Variants in SMIM15 observed in about 807,000 individuals in gnomAD.
SMIM15 encodes UPF0542 protein C5orf43.
SMIM15 carries 5 observed loss-of-function variants against 6.8 expected under a neutral mutation model. That is an observed-to-expected ratio of 0.74 (90% CI 0.39 to 1.56). SMIM15 has a LOEUF of 1.56. Among genes scored for constraint, SMIM15 ranks in the 40% most tolerant of loss-of-function variants. SMIM15 has a pLI of 0.03. For missense variants in SMIM15, 81 were observed against 84.8 expected (o/e 0.96, Z 0.18); for synonymous variants, 30 against 30.8 (o/e 0.97, Z 0.09).
At position 61,162,302 on chromosome 5, in the gene SMIM15, G is replaced by A. The variant is rs1226457205; in HGVS notation, c.-254C>T. ...CGCGGGCCCCTTGTCGCGCAGAGCG[G>A]AGGGTCCTGGGAGATCCTGGGTTGG... On this transcript the variant is annotated 5_prime_UTR_variant, in exon 1 of 3. Transcript: ENST00000339020. The surrounding 1 kb of genome is among the most constrained non-coding windows in gnomAD (Gnocchi z 4.4). 1 of 152,532 alleles carries A rather than the reference G, an allele frequency of 6.6e-6. No individual in the cohort carries two copies. The highest frequency in any genetic ancestry group is 1.5e-5 in the Non-Finnish European group (1 of 68,298). The allele number at this position is 152,532 out of a possible 1,614,324, so 9.4% of individuals were successfully genotyped here. A position where few individuals can be genotyped will look rare whatever the true frequency, so the allele number is the denominator to read the frequency against.
chr5:61,159,918 T>C lies in SMIM15; in HGVS notation c.*29A>G. 6.2e-7 allele frequency: 1 copy of C among 1,608,438 alleles called. No individual in the cohort carries two copies. The highest frequency in any genetic ancestry group is 8.5e-7 in the Non-Finnish European group (1 of 1,178,028). On this transcript the variant is annotated 3_prime_UTR_variant, in exon 3 of 3. Transcript: ENST00000339020. ...AGCTGTGTAATTTTCCAAATGATTT[T>C]CCTCTGGTTGCAAAGCCTGTTCAGT...
intron 2 of SMIM15, among the ~76,000 whole-genome samples, chr5:61,160,647 T>C (rs771013340): frequency 6.6e-6 from 1 of 152,170 alleles, no homozygotes; most frequent in African/African-American, 2.4e-5. Context: ...TCAGCAAATT[T>C]GGTGTTTGAA....
At chr5:61,160,223 CAG>C in intron 2 of SMIM15, 24 bp from the exon 3 acceptor site, 5 of 1,542,416 alleles carry the variant, frequency 3.2e-6, no homozygotes, top group African/African-American at 1.4e-5. Context: ...GTGGAGAACA[CAG>C]AGGAAAAAAA....
intron 1 of SMIM15, among the ~76,000 whole-genome samples, chr5:61,161,435 G>T (rs933347033): frequency 6.6e-6 from 1 of 151,912 alleles, no homozygotes; most frequent in Non-Finnish European, 1.5e-5. Context: ...CCTAATTACT[G>T]GAAATCAAGT....
rs1477868469 is a variant in SMIM15, at chr5:61,158,010, C to CACACACAA, written c.*1936_*1937insTTGTGTGT. The stretch of plus-strand genomic sequence containing the variant: ...CCCCTTACACACACACACACACACA[C>CACACACAA]ACACACACACACACTGTAAAGTATG... On this transcript the variant is annotated 3_prime_UTR_variant, in exon 3 of 3. Coordinates refer to ENST00000339020, the MANE Select transcript of SMIM15 (RefSeq NM_001048249.4). The CACACACAA allele has an allele frequency of 6.6e-6, 1 of 151,688 alleles. No homozygotes were observed. The highest frequency in any genetic ancestry group is 1.9e-4 in the East Asian group (1 of 5,170). The allele number at this position is 151,688 out of a possible 1,614,324, so 9.4% of individuals were successfully genotyped here.
At position 61,159,628 on chromosome 5, in the gene SMIM15, G is replaced by A. The variant is rs1440305677; in HGVS notation, c.*319C>T. On this transcript the variant is annotated 3_prime_UTR_variant, in exon 3 of 3. Transcript: ENST00000339020. ...ATTTGAATTGAGTTCATAATCTAAAGTCACTTTTCCCCACAAGATGTTTTC... is the reference window on the plus strand; with the variant it reads ...ATTTGAATTGAGTTCATAATCTAAAATCACTTTTCCCCACAAGATGTTTTC... The A allele has an allele frequency of 3.3e-6, 1 of 303,308 alleles. No individual in the cohort carries two copies. The highest frequency in any genetic ancestry group is 2.2e-5 in the African/African-American group (1 of 46,034). 18.8% of individuals were successfully genotyped at this position (303,308 alleles called of 1,614,324 possible).
rs1423214110 is a variant in SMIM15, at chr5:61,158,305, C to T, written c.*1642G>A. ...GTACATAAATTCTTTCCATGAACAG[C>T]TTGATTGCAGAAAACCAAACATATT... is the stretch of plus-strand genomic sequence containing the variant. On this transcript the variant is annotated 3_prime_UTR_variant, in exon 3 of 3. Coordinates refer to ENST00000339020, the MANE Select transcript of SMIM15 (RefSeq NM_001048249.4). 6.6e-6 allele frequency: 1 copy of T among 152,082 alleles called. No homozygotes were observed. 9.4% of individuals were successfully genotyped at this position (152,082 alleles called of 1,614,324 possible). A position where few individuals can be genotyped will look rare whatever the true frequency, so the allele number is the denominator to read the frequency against.
Position 61,159,964 on chromosome 5 carries a change from G to A in SMIM15, c.208C>T (p.Arg70Ter), listed in dbSNP as rs143525064. The A allele has an allele frequency of 1.1e-5, 17 of 1,612,724 alleles. No individual in the cohort carries two copies. In the Middle Eastern group the frequency reaches 1.6e-3, roughly 151 times the overall value. ...TCAGTCCTTCAATCCTTTTTTAGTC[G>A]TTTAGCTTTTGCAATGTTTTCTTGG... ...KRQENIAKAKRLKKD is the reference protein window; with the variant it reads ...KRQENIAKAK Residue 70 changes from arginine (R) to a stop codon, truncating the protein, a stop_gained, in exon 3 of 3, where the codon CGA (arginine) becomes TGA (stop). Coordinates refer to ENST00000339020, the MANE Select transcript of SMIM15 (RefSeq NM_001048249.4). LOFTEE classifies it high-confidence loss of function.
intron 1 of SMIM15, among the ~76,000 whole-genome samples, chr5:61,161,894 TGC>T (rs1741424853): frequency 6.6e-6 from 1 of 152,190 alleles, no homozygotes; most frequent in East Asian, 1.9e-4. Context: ...GAGATCGATC[TGC>T]CTTCACCTTC....
rs1459759315 is a variant in SMIM15 at position 61,162,150 on chromosome 5, C to T, written c.-169+67G>A. On this transcript the variant is annotated intron_variant, in intron 1 of 2. Transcript: ENST00000339020. The surrounding 1 kb of genome is among the most constrained non-coding windows in gnomAD (Gnocchi z 4.4). ...GCAACGGGTAGCACTTGACGGCCGT[C>T]CGCACTTCCTCCTTTGTCTTTCCCT... 1 of 152,638 alleles carries T rather than the reference C, an allele frequency of 6.6e-6. No homozygotes were observed. Among genetic ancestry groups the T allele is most frequent in the Non-Finnish European group, 1.5e-5 (1 of 68,394 alleles). The allele number at this position is 152,638 out of a possible 1,614,324, so 9.5% of individuals were successfully genotyped here. A position where few individuals can be genotyped will look rare whatever the true frequency, so the allele number is the denominator to read the frequency against.
rs1401754677 is a variant in SMIM15, at chr5:61,158,280, G to C, written c.*1667C>G. ...TAAAATGTGACCCTAAGTAAAACATGTACATAAATTCTTTCCATGAACAGC... is the reference window on the plus strand; with the variant it reads ...TAAAATGTGACCCTAAGTAAAACATCTACATAAATTCTTTCCATGAACAGC... On this transcript the variant is annotated 3_prime_UTR_variant, in exon 3 of 3. Coordinates refer to ENST00000339020, the MANE Select transcript of SMIM15 (RefSeq NM_001048249.4). 6.6e-6 allele frequency: 1 copy of C among 152,112 alleles called. No individual in the cohort carries two copies. Among genetic ancestry groups the C allele is most frequent in the Middle Eastern group, 3.2e-3 (1 of 316 alleles). 9.4% of individuals were successfully genotyped at this position (152,112 alleles called of 1,614,324 possible).
Position 61,158,637 on chromosome 5 carries a change from G to A in SMIM15, c.*1310C>T, listed in dbSNP as rs1741362754. 1 of 150,036 alleles carries A rather than the reference G, an allele frequency of 6.7e-6. No homozygotes were observed. Among genetic ancestry groups the A allele is most frequent in the African/African-American group, 2.4e-5 (1 of 40,838 alleles). 9.3% of individuals were successfully genotyped at this position (150,036 alleles called of 1,614,324 possible). A position where few individuals can be genotyped will look rare whatever the true frequency, so the allele number is the denominator to read the frequency against. ...ATTATCAAATTTATTTTAATGTCTA[G>A]TTTCATTTTTAAACTGTAGCTGCTA... On this transcript the variant is annotated 3_prime_UTR_variant, in exon 3 of 3. Coordinates refer to ENST00000339020, the MANE Select transcript of SMIM15 (RefSeq NM_001048249.4).
At position 61,160,269 on chromosome 5, in the gene SMIM15, GA is replaced by G. The variant is rs1337800964; in HGVS notation, c.-28-71del. The G allele has an allele frequency of 5.0e-6, 6 of 1,207,168 alleles. No individual in the cohort carries two copies. In the Middle Eastern group the frequency reaches 7.4e-4, roughly 148 times the overall value. The allele number at this position is 1,207,168 out of a possible 1,614,324, so 74.8% of individuals were successfully genotyped here. A position where few individuals can be genotyped will look rare whatever the true frequency, so the allele number is the denominator to read the frequency against. On this transcript the variant is annotated intron_variant, in intron 2 of 2. Coordinates refer to ENST00000339020, the MANE Select transcript of SMIM15 (RefSeq NM_001048249.4). ...AAGACTATGTGGTTAATCAAATTTT[GA>G]AAAAGTTTCCTCACACAACCAGTTA...
rs1741362716 is a variant in SMIM15, at chr5:61,158,634, CT to C, written c.*1312del. 6.7e-6 allele frequency: 1 copy of C among 149,940 alleles called. No homozygotes were observed. Among genetic ancestry groups the C allele is most frequent in the Non-Finnish European group, 1.5e-5 (1 of 67,706 alleles). 9.3% of individuals were successfully genotyped at this position (149,940 alleles called of 1,614,324 possible). On this transcript the variant is annotated 3_prime_UTR_variant, in exon 3 of 3. Transcript: ENST00000339020. ...AAAATTATCAAATTTATTTTAATGT[CT>C]AGTTTCATTTTTAAACTGTAGCTGC...
rs1339530748 is a variant in SMIM15, at chr5:61,158,257, A to G, written c.*1690T>C. 6.6e-6 allele frequency: 1 copy of G among 152,164 alleles called. No individual in the cohort carries two copies. Among genetic ancestry groups the G allele is most frequent in the Non-Finnish European group, 1.5e-5 (1 of 68,030 alleles). 9.4% of individuals were successfully genotyped at this position (152,164 alleles called of 1,614,324 possible). A position where few individuals can be genotyped will look rare whatever the true frequency, so the allele number is the denominator to read the frequency against. ...CCTTTGCTTCAATACTTTTACTCTAAAATGTGACCCTAAGTAAAACATGTA... is the reference window on the plus strand; with the variant it reads ...CCTTTGCTTCAATACTTTTACTCTAGAATGTGACCCTAAGTAAAACATGTA... On this transcript the variant is annotated 3_prime_UTR_variant, in exon 3 of 3. Transcript: ENST00000339020.
rs745444075 is a variant in SMIM15 at position 61,159,979 on chromosome 5, T to C, written c.193A>G (p.Ile65Val). The change falls in exon 3 of 3, where the codon ATT (isoleucine) becomes GTT (valine). Residue 65 changes from isoleucine to valine, a missense_variant. Transcript: ENST00000339020. ...TTTTTTAGTCGTTTAGCTTTTGCAA[T>C]GTTTTCTTGGCGTTTTTGCTTCTTC... ...QKKKQKRQEN[I>V]AKAKRLKKD 3 of 1,613,490 alleles carry C rather than the reference T, an allele frequency of 1.9e-6. No homozygotes were observed. Among genetic ancestry groups the C allele is most frequent in the Non-Finnish European group, 1.7e-6 (2 of 1,180,036 alleles).
At position 61,159,582 on chromosome 5, in the gene SMIM15, A is replaced by C. The variant is rs1741377785; in HGVS notation, c.*365T>G. 8.3e-6 allele frequency: 2 copies of C among 240,296 alleles called. No individual in the cohort carries two copies. The highest frequency in any genetic ancestry group is 1.2e-4 in the South Asian group (2 of 16,992). The allele number at this position is 240,296 out of a possible 1,614,324, so 14.9% of individuals were successfully genotyped here. A position where few individuals can be genotyped will look rare whatever the true frequency, so the allele number is the denominator to read the frequency against. ...CTTAATTTCCTTTGTCCAAAATAGGACCCCATTTTAAATAGAGTTCATTTG... is the reference window on the plus strand; with the variant it reads ...CTTAATTTCCTTTGTCCAAAATAGGCCCCCATTTTAAATAGAGTTCATTTG... On this transcript the variant is annotated 3_prime_UTR_variant, in exon 3 of 3. Transcript: ENST00000339020.
rs188465032 is a variant in SMIM15, at chr5:61,160,210, C to T, written c.-28-11G>A. On this transcript the variant is annotated splice_polypyrimidine_tract_variant and intron_variant, in intron 2 of 2. Transcript: ENST00000339020. ...TTATGAAAACTGGGGCTGGGGGAGG[C>T]GGGTGGAGAACACAGAGGAAAAAAA... 192 of 1,584,926 alleles carry T rather than the reference C, an allele frequency of 1.2e-4. No individual in the cohort carries two copies. The highest frequency in any genetic ancestry group is 1.7e-4 in the Middle Eastern group (1 of 5,930).
At chr5:61,160,500 A>T (rs1209755943) in intron 2 of SMIM15, among the ~76,000 whole-genome samples, 1 of 152,192 alleles carries the variant, frequency 6.6e-6, no homozygotes, top group Non-Finnish European at 1.5e-5. Flanking sequence ...CATGCCTCCT[A>T]TATTCAAGAC....
Sources: gnomAD v4.1 joint callset for allele counts (sites outside exome capture counted in the v4.1 genomes callset) on GRCh38, gnomAD v4.1.1 for gene constraint, Gnocchi (gnomAD v3.1) non-coding constraint, MANE v1.5 for transcripts, NCBI Gene and HGNC (gene_info 2026-07-23, HGNC 2026-07-21) for gene names.